MEAF6: variants seen among roughly 807,000 people sequenced by gnomAD.
MEAF6 encodes chromatin modification-related protein MEAF6.
In MEAF6, 15 loss-of-function variants were observed where a neutral mutation model predicts 28.9. The observed-to-expected ratio is 0.52, with a 90% CI of 0.35 to 0.80. MEAF6 has a LOEUF of 0.80. Ranked by LOEUF, MEAF6 falls within the 30% of genes least tolerant of loss-of-function variation. MEAF6 has a pLI of 0.01. For synonymous variants in MEAF6, 97 were observed against 88.7 expected, an observed-to-expected ratio of 1.09 and a Z score of -0.53; for missense variants, 178 against 237.5, an observed-to-expected ratio of 0.75 and a Z score of 1.65.
chr1:37,508,263 G>C (rs1642550573), intron 4 of MEAF6, among the ~76,000 whole-genome samples: 1 of 147,674 alleles, frequency 6.8e-6, no homozygotes, highest in Non-Finnish European at 1.5e-5. Context: ...CTATTTACAG[G>C]ATGAGCATTT....
intron 4 of MEAF6, among the ~76,000 whole-genome samples, chr1:37,506,246 G>A (rs930907679): frequency 2.6e-5 from 4 of 151,726 alleles, no homozygotes; most frequent in Non-Finnish European, 4.4e-5. Flanking sequence ...ACTCCAGCCT[G>A]GGCAATAAAG....
chr1:37,508,781 A>G (rs888557603), intron 4 of MEAF6, among the ~76,000 whole-genome samples: 1 of 152,232 alleles, frequency 6.6e-6, no homozygotes, highest in Non-Finnish European at 1.5e-5. Flanking sequence ...AGAAGAGTAC[A>G]GTAATTTCTT....
In MEAF6 at chr1:37,494,093, T is replaced by C. The variant is rs1642032360; in HGVS notation, c.*6A>G. 2.5e-6 allele frequency: 4 copies of C among 1,612,966 alleles called. No homozygotes were observed. The East Asian group carries it at 8.9e-5, about 36-fold the overall frequency. ...CAGCCTGGAAGCTTCTGCACTAATG[T>C]GTCTTCTAATAGTCCTAAAGAAAGA... On this transcript the variant is annotated 3_prime_UTR_variant, in exon 7 of 7. Coordinates refer to ENST00000296214, the MANE Select transcript of MEAF6 (RefSeq NM_001270875.3).
At chr1:37,509,431 G>T (rs1353603028) in intron 3 of MEAF6, 24 bp downstream of exon 3, 1 of 1,611,946 alleles carries the variant, frequency 6.2e-7, no homozygotes, top group Admixed American at 1.7e-5. Flanking sequence ...GCCAAAGAAA[G>T]ATTCCCCCAC....
chr1:37,501,551 A>C (rs767358495), intron 5 of MEAF6: 5 of 354,472 alleles, frequency 1.4e-5, no homozygotes, highest in Non-Finnish European at 2.5e-5. Context: ...CATATGAAAC[A>C]AGGTTTTTAT....
rs1161773070 is a variant in MEAF6 at position 37,490,032 on chromosome 1, T to G, written c.*4067A>C. Among the ~76,000 whole-genome samples the G allele has an allele frequency of 6.6e-6, 1 of 152,234 alleles. No individual in the cohort carries two copies. The highest frequency in any genetic ancestry group is 1.5e-5 in the Non-Finnish European group (1 of 68,042). The stretch of plus-strand genomic sequence containing the variant: ...TTTATTTATAAATTAATGACCTACA[T>G]GTACTAATGAACTAATATTGATGTA... On this transcript the variant is annotated 3_prime_UTR_variant, in exon 7 of 7. Coordinates refer to ENST00000296214, the MANE Select transcript of MEAF6 (RefSeq NM_001270875.3).
intron 2 of MEAF6, among the ~76,000 whole-genome samples, chr1:37,510,387 T>C (rs1044439334): frequency 2.1e-5 from 3 of 144,824 alleles, no homozygotes; most frequent in Admixed American, 7.0e-5. Context: ...AGCCATTTTT[T>C]TTTTTTTTTT....
chr1:37,500,946 G>A (rs1028244070), intron 5 of MEAF6: 27 of 154,140 alleles, frequency 1.8e-4, no homozygotes, highest in Admixed American at 1.6e-3. Context: ...GAACTTCTAG[G>A]AGGCATGGAA....
intron 2 of MEAF6, among the ~76,000 whole-genome samples, chr1:37,511,478 A>C (rs975391480): frequency 6.6e-6 from 1 of 152,258 alleles, no homozygotes. Context: ...TAGAGGGAGC[A>C]GTATATTCAT....
intron 4 of MEAF6, among the ~76,000 whole-genome samples, chr1:37,504,254 C>A (rs1347912720): frequency 3.3e-5 from 5 of 152,198 alleles, no homozygotes; most frequent in African/African-American, 9.7e-5. Flanking sequence ...GAGGCCTCCC[C>A]AGCCATGTAG....
chr1:37,512,249 G>T (rs2148091661), intron 2 of MEAF6, among the ~76,000 whole-genome samples: 2 of 152,236 alleles, frequency 1.3e-5, no homozygotes, highest in South Asian at 4.1e-4. Context: ...TTCTGGCTTT[G>T]ATACTGTATT....
At chr1:37,511,521 G>A (rs1258733783) in intron 2 of MEAF6, among the ~76,000 whole-genome samples, 2 of 152,152 alleles carry the variant, frequency 1.3e-5, no homozygotes, top group Admixed American at 1.3e-4. Flanking sequence ...AAAATTACTT[G>A]TTAATCACAA....
In MEAF6 at chr1:37,509,534, T is replaced by C. The variant is rs200745541; in HGVS notation, c.215A>G (p.Asn72Ser). Residue 72 changes from asparagine to serine, a missense_variant, in exon 3 of 7, where the codon AAT (asparagine) becomes AGT (serine). Coordinates refer to ENST00000296214, the MANE Select transcript of MEAF6 (RefSeq NM_001270875.3). ...DRYLTNQKNS[N>S]SKNDRRNRKF... ...CCGGTTCCTTCGATCATTTTTGCTA[T>C]TGGAGTTTCTAAAACACAGAAGAAA... 4.8e-5 allele frequency: 78 copies of C among 1,613,778 alleles called. No individual in the cohort carries two copies. Among genetic ancestry groups the C allele is most frequent in the African/African-American group, 3.6e-4 (27 of 75,036 alleles).
In MEAF6 at chr1:37,490,665, GC is replaced by G. The variant is rs1301433956; in HGVS notation, c.*3433del. On this transcript the variant is annotated 3_prime_UTR_variant, in exon 7 of 7. Coordinates refer to ENST00000296214, the MANE Select transcript of MEAF6 (RefSeq NM_001270875.3). ...CTTCAAGCGATCCTGCTGCCTCTAAGCCTCCCAAGCAGCTGGGACTAAAGGT... is the reference window on the plus strand; with the variant it reads ...CTTCAAGCGATCCTGCTGCCTCTAAGCTCCCAAGCAGCTGGGACTAAAGGT... 6.6e-6 allele frequency among the ~76,000 whole-genome samples: 1 copy of G among 152,170 alleles called. No individual in the cohort carries two copies. Among genetic ancestry groups the G allele is most frequent in the Non-Finnish European group, 1.5e-5 (1 of 68,048 alleles).
chr1:37,495,333 AAAATAAATAAATAAATAAAT>A (rs199695721), intron 6 of MEAF6, among the ~76,000 whole-genome samples: 6 of 138,458 alleles, frequency 4.3e-5, no homozygotes, highest in Admixed American at 1.5e-4. Flanking sequence ...TCCGTCTCAA[AAAATAAATAAATAAATAAAT>A]AAATAAATAA....
At chr1:37,499,585 G>A (rs1642230899) in intron 5 of MEAF6, among the ~76,000 whole-genome samples, 1 of 152,140 alleles carries the variant, frequency 6.6e-6, no homozygotes. Flanking sequence ...CCTTTCTTGG[G>A]GCAGATGAGT....
chr1:37,506,443 A>C (rs1426030369), intron 4 of MEAF6, among the ~76,000 whole-genome samples: 1 of 152,202 alleles, frequency 6.6e-6, no homozygotes, highest in Non-Finnish European at 1.5e-5. Context: ...CAGTGGCACA[A>C]TCACTGCAGC....
chr1:37,505,244 G>A (rs1359911811), intron 4 of MEAF6, among the ~76,000 whole-genome samples: 1 of 152,124 alleles, frequency 6.6e-6, no homozygotes, highest in African/African-American at 2.4e-5. Flanking sequence ...TTTAAATTGA[G>A]TAGCATACGG....
In MEAF6 at chr1:37,493,448, A is replaced by T. The variant is rs1642004363; in HGVS notation, c.*651T>A. On this transcript the variant is annotated 3_prime_UTR_variant, in exon 7 of 7. Transcript: ENST00000296214. ...CAACTCAGAAAGATTTAAGATAGGT[A>T]ATTACTAAACACTCTTTACCTCCCC... 6 of 330,026 alleles carry T rather than the reference A, an allele frequency of 1.8e-5. No homozygotes were observed. Among genetic ancestry groups the T allele is most frequent in the Admixed American group, 4.8e-5 (1 of 20,620 alleles). The allele number at this position is 330,026 out of a possible 1,614,324, so 20.4% of individuals were successfully genotyped here.
Sources: gnomAD v4.1 joint callset for allele counts (sites outside exome capture counted in the v4.1 genomes callset) on GRCh38, gnomAD v4.1.1 for gene constraint, MANE v1.5 for transcripts, NCBI Gene and HGNC (gene_info 2026-07-23, HGNC 2026-07-21) for gene names.